Variants in MAF observed in about 807,000 individuals in gnomAD.
MAF encodes the protein MAF bZIP transcription factor, also known as transcription factor Maf.
In MAF, 10 loss-of-function variants were observed where a neutral mutation model predicts 22.0. That is an observed-to-expected ratio of 0.45 (90% CI 0.28 to 0.77). MAF has a LOEUF of 0.77. Ranked by LOEUF, MAF falls within the 30% of genes least tolerant of loss-of-function variation. MAF has a pLI of 0.12. For missense variants in MAF, 544 were observed against 548.4 expected (o/e 0.99, Z 0.08); for synonymous variants, 337 against 255.8 (o/e 1.32, Z -3.03).
the MAF span, among the ~76,000 whole-genome samples, chr16:79,520,440 T>C: frequency 1.1e-4 from 17 of 152,134 alleles, no homozygotes; most frequent in Admixed American, 9.8e-4. Context: ...CCTAACCTCA[T>C]TCCCCACACC....
the MAF span, among the ~76,000 whole-genome samples, chr16:79,496,467 A>T: frequency 3.9e-5 from 6 of 152,208 alleles, no homozygotes; most frequent in African/African-American, 1.4e-4. Context: ...CTTTTACTGT[A>T]CTTTATTACT....
At chr16:79,380,321 C>T in the MAF span, among the ~76,000 whole-genome samples, 5 of 152,120 alleles carry the variant, frequency 3.3e-5, 1 homozygote, top group Admixed American at 3.3e-4. Context: ...ACCTCAAGGG[C>T]AGTTGTGAAT....
the MAF span, among the ~76,000 whole-genome samples, chr16:79,286,050 CA>C: frequency 6.6e-6 from 1 of 152,182 alleles, no homozygotes; most frequent in Non-Finnish European, 1.5e-5. Flanking sequence ...GAAATGATAA[CA>C]GTTCCTACCT....
At chr16:79,333,774 A>T in the MAF span, among the ~76,000 whole-genome samples, 3 of 152,136 alleles carry the variant, frequency 2.0e-5, no homozygotes, top group Non-Finnish European at 4.4e-5. Flanking sequence ...ATATCACCAC[A>T]TGCAGAAACC....
At chr16:79,310,401 C>CAGAG in the MAF span, among the ~76,000 whole-genome samples, 1 of 151,962 alleles carries the variant, frequency 6.6e-6, no homozygotes, top group African/African-American at 2.4e-5. Flanking sequence ...GAGAGACAGA[C>CAGAG]AGAGAGAGAG....
chr16:79,396,851 T>C, the MAF span, among the ~76,000 whole-genome samples: 1 of 152,212 alleles, frequency 6.6e-6, no homozygotes, highest in African/African-American at 2.4e-5. Context: ...TAGGAAACAC[T>C]GGCATAAAGT....
chr16:79,221,880 T>G, the MAF span, among the ~76,000 whole-genome samples: 1 of 152,222 alleles, frequency 6.6e-6, no homozygotes, highest in Admixed American at 6.5e-5. Flanking sequence ...TTAACCCTAA[T>G]CCTTTGAACA....
chr16:79,429,465 G>T, the MAF span, among the ~76,000 whole-genome samples: 2 of 152,104 alleles, frequency 1.3e-5, no homozygotes, highest in African/African-American at 2.4e-5. Flanking sequence ...TGCCTCCCTC[G>T]CCTGATGCCA....
the MAF span, among the ~76,000 whole-genome samples, chr16:79,219,905 A>T: frequency 1.3e-5 from 2 of 152,220 alleles, no homozygotes; most frequent in African/African-American, 2.4e-5. Context: ...TGGTTATATA[A>T]AAAGTTGTAT....
chr16:79,475,452 C>A, the MAF span, among the ~76,000 whole-genome samples: 1 of 151,632 alleles, frequency 6.6e-6, no homozygotes, highest in African/African-American at 2.4e-5. Flanking sequence ...GAACAATGCA[C>A]TTCACTCTTT....
chr16:79,482,403 G>T, the MAF span, among the ~76,000 whole-genome samples: 1 of 152,162 alleles, frequency 6.6e-6, no homozygotes, highest in East Asian at 1.9e-4. Flanking sequence ...CTGCAAGGGT[G>T]GAGAGATTGT....
the MAF span, among the ~76,000 whole-genome samples, chr16:79,371,910 C>T: frequency 1.3e-5 from 2 of 152,334 alleles, no homozygotes; most frequent in African/African-American, 2.4e-5. Context: ...TATTCACTCT[C>T]CCAAGCTTCG....
chr16:79,305,090 A>G, the MAF span, among the ~76,000 whole-genome samples: 1 of 152,210 alleles, frequency 6.6e-6, no homozygotes, highest in Non-Finnish European at 1.5e-5. Context: ...TACAGCTAAT[A>G]TCCATTTCGG....
chr16:79,574,815 C>T, the MAF span, among the ~76,000 whole-genome samples: 191 of 152,244 alleles, frequency 1.3e-3, no homozygotes, highest in African/African-American at 3.9e-3. Context: ...CTAGGAAGGG[C>T]AGATGAAGCA....
the MAF span, among the ~76,000 whole-genome samples, chr16:79,345,980 G>C: frequency 2.0e-5 from 3 of 151,888 alleles, no homozygotes; most frequent in Non-Finnish European, 2.9e-5. Flanking sequence ...TATGAATGGA[G>C]TTTGAAACAT....
At chr16:79,299,916 T>C in the MAF span, among the ~76,000 whole-genome samples, 1 of 152,216 alleles carries the variant, frequency 6.6e-6, no homozygotes, top group Non-Finnish European at 1.5e-5. Context: ...ATTCGAACTC[T>C]TGGCAAACAG....
At chr16:79,432,250 C>T in the MAF span, among the ~76,000 whole-genome samples, 1 of 152,152 alleles carries the variant, frequency 6.6e-6, no homozygotes, top group East Asian at 1.9e-4. Context: ...GAGGTACCTT[C>T]TGCCATGATT....
At chr16:79,477,547 A>C in the MAF span, among the ~76,000 whole-genome samples, 4 of 152,176 alleles carry the variant, frequency 2.6e-5, no homozygotes, top group African/African-American at 9.7e-5. Context: ...ACCACATGAC[A>C]AGCATGGTCA....
At chr16:79,506,081 T>C in the MAF span, among the ~76,000 whole-genome samples, 2 of 152,120 alleles carry the variant, frequency 1.3e-5, no homozygotes, top group African/African-American at 4.8e-5. Flanking sequence ...AGGATGTCTC[T>C]CCTACTGAGC....
Sources: allele counts gnomAD v4.1 joint callset (sites outside exome capture counted in the v4.1 genomes callset), GRCh38; gene constraint gnomAD v4.1.1; transcripts MANE v1.5; gene names NCBI Gene and HGNC (gene_info 2026-07-23, HGNC 2026-07-21).